Variants in DCP1B observed in about 807,000 individuals in gnomAD.
The protein encoded by DCP1B is decapping mRNA 1B.
A neutral mutation model predicts 60.5 loss-of-function variants in DCP1B; 47 were observed. The ratio of observed to expected loss-of-function variants is 0.78; its 90% confidence interval spans 0.61 to 0.99. The LOEUF is 0.99. Among genes scored for constraint, DCP1B ranks in the 50% least tolerant of loss-of-function variants. The pLI is 0.00. For synonymous variants in DCP1B, 267 were observed against 280.3 expected, an observed-to-expected ratio of 0.95 and a Z score of 0.47; for missense variants, 725 against 756.8, an observed-to-expected ratio of 0.96 and a Z score of 0.49.
At position 1,993,302 on chromosome 12, in the gene DCP1B, T is replaced by A. The variant is rs775013572; in HGVS notation, c.281A>T (p.Gln94Leu). 6.2e-7 allele frequency: 1 copy of A among 1,614,030 alleles called. No individual in the cohort carries two copies. The highest frequency in any genetic ancestry group is 1.3e-5 in the African/African-American group (1 of 74,944). ...GTAGAGAAGGAAAGGGTCCTGGAGT[T>A]GGAAATCCAAGTCTTTAGTAATAGG... ...TEPITKDLDF[Q>L]LQDPFLLYRN... Residue 94 changes from glutamine (Q) to leucine (L), a missense_variant, in exon 3 of 9, where the codon CAA becomes CTA. Coordinates refer to ENST00000280665, the MANE Select transcript of DCP1B (RefSeq NM_152640.5).
Position 1,952,628 on chromosome 12 carries a change from C to A in DCP1B, c.1312G>T (p.Gly438Cys). The A allele has an allele frequency of 6.2e-7, 1 of 1,614,138 alleles. No homozygotes were observed. Among genetic ancestry groups the A allele is most frequent in the South Asian group, 1.1e-5 (1 of 91,082 alleles). The change falls in exon 7 of 9, where the codon GGT becomes TGT. Residue 438 changes from glycine to cysteine, a missense_variant. Coordinates refer to ENST00000280665, the MANE Select transcript of DCP1B (RefSeq NM_152640.5). ...ACTCCAGAGCTGCCAGTCTGACTAC[C>A]AGAGATGGGGAGTGTTTGTCTTGGG... Reference protein sequence around the residue: ...TLPRQTLPISGSQTGSSGVIS... With the variant: ...TLPRQTLPISCSQTGSSGVIS...
intron 5 of DCP1B, among the ~76,000 whole-genome samples, chr12:1,959,903 T>G (rs1339555545): frequency 1.3e-5 from 2 of 149,522 alleles, no homozygotes; most frequent in Non-Finnish European, 2.9e-5. Context: ...GAGCTTGCCA[T>G]GAGCCAAGAT....
At chr12:1,979,240 C>A (rs894842769) in intron 3 of DCP1B, among the ~76,000 whole-genome samples, 3 of 152,300 alleles carry the variant, frequency 2.0e-5, no homozygotes, top group Non-Finnish European at 4.4e-5. Flanking sequence ...TCTCAAACTC[C>A]TGACCTCAGG....
intron 3 of DCP1B, among the ~76,000 whole-genome samples, chr12:1,990,352 C>G (rs1015771341): frequency 6.6e-6 from 1 of 151,908 alleles, no homozygotes; most frequent in African/African-American, 2.4e-5. Context: ...AGGTCAAACC[C>G]CATTTTAACA....
intron 4 of DCP1B, 100 bp downstream of exon 4, chr12:1,967,744 G>C: frequency 1.0e-6 from 1 of 959,206 alleles, no homozygotes; most frequent in Non-Finnish European, 1.6e-6. Context: ...GGACTGCTAT[G>C]GGAGATATAT....
intron 3 of DCP1B, among the ~76,000 whole-genome samples, chr12:1,973,412 A>C (rs2033178116): frequency 6.6e-6 from 1 of 152,260 alleles, no homozygotes; most frequent in Non-Finnish European, 1.5e-5. Context: ...AAAAACAAAC[A>C]AAACTCTCTG....
At chr12:1,973,154 C>T (rs2154459051) in intron 3 of DCP1B, among the ~76,000 whole-genome samples, 1 of 152,354 alleles carries the variant, frequency 6.6e-6, no homozygotes, top group Non-Finnish European at 1.5e-5. Flanking sequence ...AAAATCTTCA[C>T]TGGCCACTGA....
At chr12:1,969,506 G>C (rs938641469) in intron 3 of DCP1B, among the ~76,000 whole-genome samples, 24 of 149,408 alleles carry the variant, frequency 1.6e-4, no homozygotes, top group African/African-American at 4.7e-4. Context: ...TACTCTCTTA[G>C]ATGGAAATAC....
chr12:2,003,181 G>A (rs1299873636), intron 1 of DCP1B, among the ~76,000 whole-genome samples: 6 of 152,068 alleles, frequency 3.9e-5, no homozygotes, highest in Non-Finnish European at 5.9e-5. Context: ...TGATTTTCAG[G>A]TGAGTTTTTT....
At chr12:1,996,101 T>G (rs2040727743) in intron 2 of DCP1B, among the ~76,000 whole-genome samples, 1 of 152,240 alleles carries the variant, frequency 6.6e-6, no homozygotes, top group African/African-American at 2.4e-5. Context: ...ATTTCTATTA[T>G]TCTAATCCCA....
intron 6 of DCP1B, among the ~76,000 whole-genome samples, chr12:1,955,013 G>T (rs766695432): frequency 6.6e-6 from 1 of 152,214 alleles, no homozygotes; most frequent in Middle Eastern, 3.4e-3. Context: ...ACAGGTGCAC[G>T]CCATCATGCC....
At chr12:1,977,575 T>C (rs577782747) in intron 3 of DCP1B, among the ~76,000 whole-genome samples, 79 of 152,358 alleles carry the variant, frequency 5.2e-4, no homozygotes, top group African/African-American at 1.8e-3. Flanking sequence ...CTAAATCTGT[T>C]TATTTCCTGT....
chr12:1,977,678 C>T (rs1250644425), intron 3 of DCP1B, among the ~76,000 whole-genome samples: 1 of 152,166 alleles, frequency 6.6e-6, no homozygotes, highest in Non-Finnish European at 1.5e-5. Context: ...ACTGCCTTCT[C>T]AATAGCCTAG....
At chr12:1,991,745 T>A (rs1453101757) in intron 3 of DCP1B, 1 of 156,416 alleles carries the variant, frequency 6.4e-6, no homozygotes, top group Non-Finnish European at 1.4e-5. Context: ...CCTGTGGGAC[T>A]TAAGAAGGTT....
At chr12:1,986,370 C>A (rs557421044) in intron 3 of DCP1B, among the ~76,000 whole-genome samples, 11 of 152,304 alleles carry the variant, frequency 7.2e-5, no homozygotes, top group African/African-American at 2.4e-4. Context: ...AGTCTTCCGA[C>A]TACAAAGTCA....
At chr12:1,976,015 A>G (rs1231450352) in intron 3 of DCP1B, among the ~76,000 whole-genome samples, 4 of 152,186 alleles carry the variant, frequency 2.6e-5, no homozygotes, top group Non-Finnish European at 5.9e-5. Flanking sequence ...AGAAAAATAG[A>G]AATACGAAAT....
Position 1,967,858 on chromosome 12 carries a change from T to C in DCP1B, c.372A>G (p.Ala124=). The part of the protein sequence containing the change: ...FYDKEECQRI[A]ELMKNLTQYE... Reference sequence around the variant, plus strand: ...TTAGTACTTACTTTTTCATAAGCTCTGCAATTCTTTGGCATTCTTCCTTAT... The same window carrying C: ...TTAGTACTTACTTTTTCATAAGCTCCGCAATTCTTTGGCATTCTTCCTTAT... Residue 124 remains alanine, a synonymous_variant, in exon 4 of 9, where the codon GCA becomes GCG. Coordinates refer to ENST00000280665, the MANE Select transcript of DCP1B (RefSeq NM_152640.5). 1 of 1,612,822 alleles carries C rather than the reference T, an allele frequency of 6.2e-7. No homozygotes were observed. Among genetic ancestry groups the C allele is most frequent in the Non-Finnish European group, 8.5e-7 (1 of 1,179,704 alleles).
chr12:1,979,555 G>A (rs1032079232), intron 3 of DCP1B, among the ~76,000 whole-genome samples: 3 of 152,212 alleles, frequency 2.0e-5, no homozygotes, highest in Middle Eastern at 3.4e-3. Context: ...CAAGTGATCC[G>A]CCCGCCTCAG....
At chr12:1,988,460 G>C (rs893584895) in intron 3 of DCP1B, among the ~76,000 whole-genome samples, 4 of 152,212 alleles carry the variant, frequency 2.6e-5, no homozygotes, top group African/African-American at 9.6e-5. Context: ...CCATTCTGCA[G>C]GGTGGGTCAA....
Sources: gnomAD v4.1 joint callset for allele counts (sites outside exome capture counted in the v4.1 genomes callset) on GRCh38, gnomAD v4.1.1 for gene constraint, MANE v1.5 for transcripts, NCBI Gene and HGNC (gene_info 2026-07-23, HGNC 2026-07-21) for gene names.